PSD3: variants seen among roughly 807,000 people sequenced by gnomAD.
PSD3 encodes pleckstrin and Sec7 domain containing 3.
PSD3 carries 49 observed loss-of-function variants against 105.5 expected under a neutral mutation model. The observed-to-expected ratio is 0.46, with a 90% CI of 0.37 to 0.59. The LOEUF is 0.59. PSD3 is among the 20% of genes least tolerant of loss of function. The probability of loss-of-function intolerance (pLI) is 0.00; values close to 1 mark genes in which losing one functional copy is unlikely to be tolerated. For missense variants in PSD3, 1,561 were observed against 1,263.8 expected, an observed-to-expected ratio of 1.24 and a Z score of -3.57; for synonymous variants, 557 against 457.8, an observed-to-expected ratio of 1.22 and a Z score of -2.77.
At chr8:18,970,323 T>TCA (rs1824559406) in intron 1 of PSD3, among the ~76,000 whole-genome samples, 1 of 4,802 alleles carries the variant, frequency 2.1e-4, no homozygotes, top group South Asian at 6.8e-3. Flanking sequence ...AGACTCTGCC[T>TCA]CAAAAAAAAA....
At chr8:18,766,329 A>G (rs373092682) in intron 8 of PSD3, among the ~76,000 whole-genome samples, 1 of 152,198 alleles carries the variant, frequency 6.6e-6, no homozygotes, top group Non-Finnish European at 1.5e-5. Flanking sequence ...GTGCAACTGT[A>G]TCTCAAAAAA....
At chr8:18,671,615 C>G (rs1357608974) in intron 9 of PSD3, among the ~76,000 whole-genome samples, 3 of 151,816 alleles carry the variant, frequency 2.0e-5, no homozygotes. Context: ...ACAGTCATCT[C>G]CTGATTTTGT....
intron 9 of PSD3, among the ~76,000 whole-genome samples, chr8:18,759,753 C>T (rs547337244): frequency 1.3e-5 from 2 of 150,602 alleles, no homozygotes; most frequent in South Asian, 4.2e-4. Flanking sequence ...AATAACTGAC[C>T]TTCCACCCTT....
intron 14 of PSD3, among the ~76,000 whole-genome samples, chr8:18,568,873 C>T (rs1320436597): frequency 6.6e-6 from 1 of 150,718 alleles, no homozygotes; most frequent in South Asian, 2.1e-4. Flanking sequence ...GACCCCACAA[C>T]AGTCCCCAGA....
At chr8:19,049,856 C>T (rs995828643) in intron 1 of PSD3, among the ~76,000 whole-genome samples, 9 of 152,228 alleles carry the variant, frequency 5.9e-5, no homozygotes, top group African/African-American at 2.2e-4. Flanking sequence ...AAGCCAGATT[C>T]CCTGACTGGA....
upstream of PSD3, among the ~76,000 whole-genome samples, chr8:19,017,236 G>A (rs76795953): frequency 6.6e-6 from 1 of 151,634 alleles, no homozygotes; most frequent in Non-Finnish European, 1.5e-5. Flanking sequence ...ATTTATTTAA[G>A]ATGGGGTCTC....
At chr8:18,953,933 T>C (rs184765845) in intron 1 of PSD3, among the ~76,000 whole-genome samples, 9 of 152,206 alleles carry the variant, frequency 5.9e-5, no homozygotes, top group African/African-American at 2.2e-4. Context: ...TATATATGTA[T>C]ACACTCCTCA....
chr8:18,991,504 T>C (rs1400908413), intron 1 of PSD3, among the ~76,000 whole-genome samples: 1 of 152,158 alleles, frequency 6.6e-6, no homozygotes, highest in African/African-American at 2.4e-5. Flanking sequence ...TGACTGCTTT[T>C]ATTGATAGCT....
intron 1 of PSD3, among the ~76,000 whole-genome samples, chr8:18,964,590 G>A (rs7830527): frequency 0.41 from 61,481 of 151,210 alleles, 12,674 homozygotes; most frequent in African/African-American, 0.43. Context: ...TTAAAGTGTG[G>A]TCTCATGAAC....
intron 10 of PSD3, among the ~76,000 whole-genome samples, chr8:18,646,248 C>G (rs931067541): frequency 3.3e-5 from 5 of 152,040 alleles, no homozygotes; most frequent in African/African-American, 1.2e-4. Flanking sequence ...ATGTCTTCAT[C>G]CCAAATAACT....
At chr8:18,859,036 C>T (rs1392161061) in intron 4 of PSD3, among the ~76,000 whole-genome samples, 1 of 152,120 alleles carries the variant, frequency 6.6e-6, no homozygotes, top group Non-Finnish European at 1.5e-5. Context: ...ATAGTGACTA[C>T]AGCTTTACAC....
At chr8:18,601,745 A>C (rs577071493) in intron 11 of PSD3, among the ~76,000 whole-genome samples, 13 of 152,226 alleles carry the variant, frequency 8.5e-5, no homozygotes, top group Non-Finnish European at 1.9e-4. Flanking sequence ...AACTAAGATA[A>C]ACAGATAACC....
At chr8:18,607,663 A>G (rs190669059) in intron 11 of PSD3, among the ~76,000 whole-genome samples, 25 of 149,260 alleles carry the variant, frequency 1.7e-4, no homozygotes, top group African/African-American at 5.6e-4. Flanking sequence ...ATCCCAGCAT[A>G]TAACAAGACT....
intron 8 of PSD3, among the ~76,000 whole-genome samples, chr8:18,788,866 A>G (rs1025274278): frequency 9.9e-5 from 15 of 152,160 alleles, no homozygotes; most frequent in Non-Finnish European, 1.6e-4. Context: ...TTTGCTATCA[A>G]ATAAGTTTGA....
chr8:18,882,499 C>T (rs1358057130), intron 2 of PSD3, among the ~76,000 whole-genome samples: 1 of 152,130 alleles, frequency 6.6e-6, no homozygotes, highest in Non-Finnish European at 1.5e-5. Context: ...GCTTACAATC[C>T]AGCAGCTCCA....
intron 1 of PSD3, among the ~76,000 whole-genome samples, chr8:19,062,439 A>C (rs1196504046): frequency 6.6e-6 from 1 of 152,232 alleles, no homozygotes; most frequent in African/African-American, 2.4e-5. Flanking sequence ...TCAGAAGAGT[A>C]GAGACTTGTT....
At chr8:18,947,542 G>A (rs1822944003) in intron 1 of PSD3, among the ~76,000 whole-genome samples, 1 of 152,208 alleles carries the variant, frequency 6.6e-6, no homozygotes, top group Non-Finnish European at 1.5e-5. Context: ...AAGGGGTCAG[G>A]GAGCGGCGGC....
intron 4 of PSD3, among the ~76,000 whole-genome samples, chr8:18,867,386 G>A (rs764271625): frequency 9.9e-5 from 15 of 152,150 alleles, no homozygotes; most frequent in East Asian, 1.9e-4. Flanking sequence ...TGCCATCATC[G>A]GAGCTGATAA....
chr8:18,567,544 T>C (rs902640540), intron 14 of PSD3, among the ~76,000 whole-genome samples: 2 of 152,216 alleles, frequency 1.3e-5, no homozygotes, highest in Non-Finnish European at 2.9e-5. Flanking sequence ...CATTGTGTCC[T>C]GCAAGAACTG....
Sources: allele counts gnomAD v4.1 joint callset (sites outside exome capture counted in the v4.1 genomes callset), GRCh38; gene constraint gnomAD v4.1.1; transcripts MANE v1.5; gene names NCBI Gene and HGNC (gene_info 2026-07-23, HGNC 2026-07-21).